SNAPC3: variants seen among roughly 807,000 people sequenced by gnomAD.
The protein encoded by SNAPC3 is small nuclear RNA activating complex polypeptide 3, also known as snRNA-activating protein complex subunit 3.
SNAPC3 carries 56 observed loss-of-function variants against 47.7 expected under a neutral mutation model. The ratio of observed to expected loss-of-function variants is 1.18; its 90% CI spans 0.95 to 1.47. The LOEUF (loss-of-function observed/expected upper bound fraction) is 1.47, where lower values mean the gene tolerates loss of function less well. SNAPC3 is among the 40% of genes most tolerant of loss of function. SNAPC3 has a pLI of 0.00. For synonymous variants in SNAPC3, 235 were observed against 189.9 expected (o/e 1.24, Z -1.95); for missense variants, 665 against 511.3 (o/e 1.30, Z -2.90).
chr9:15,433,719 G>A, intron 3 of SNAPC3, 83 bp downstream of exon 3: 2 of 849,880 alleles, frequency 2.4e-6, no homozygotes, highest in Non-Finnish European at 3.9e-6. Context: ...TGACAGTATG[G>A]TAGCTTTATA....
At chr9:15,466,160 C>T (rs2035610247), downstream of SNAPC3, among the ~76,000 whole-genome samples, 1 of 152,118 alleles carries the variant, frequency 6.6e-6, no homozygotes, top group Admixed American at 6.5e-5. Context: ...GGTGGATCAC[C>T]TGAGGTCAGG....
In SNAPC3 at chr9:15,458,082, ATTT is replaced by A. The variant is rs35960449; in HGVS notation, c.1088+24_1088+26del. On this transcript the variant is annotated intron_variant, in intron 8 of 8. Transcript: ENST00000380821. Reference sequence around the variant, plus strand: ...TATACAGCCAGGTGAGTGATAATGTATTTTTTTTTTTCTCTGAGAAATGGCAGT... The same window carrying A: ...TATACAGCCAGGTGAGTGATAATGTATTTTTTTTCTCTGAGAAATGGCAGT... 9 of 981,410 alleles carry A rather than the reference ATTT, an allele frequency of 9.2e-6. No homozygotes were observed. The highest frequency in any genetic ancestry group is 5.2e-5 in the South Asian group (3 of 57,884). The allele number at this position is 981,410 out of a possible 1,614,324, so 60.8% of individuals were successfully genotyped here.
At chr9:15,430,796 G>C (rs1037862034) in intron 2 of SNAPC3, among the ~76,000 whole-genome samples, 1 of 152,146 alleles carries the variant, frequency 6.6e-6, no homozygotes, top group Non-Finnish European at 1.5e-5. Flanking sequence ...CTAGAATAAA[G>C]GATGAGGAAG....
intron 2 of SNAPC3, among the ~76,000 whole-genome samples, chr9:15,430,118 A>G (rs537125109): frequency 3.3e-5 from 5 of 152,242 alleles, no homozygotes; most frequent in African/African-American, 7.2e-5. Context: ...GGAAACATCA[A>G]TGACATTCAT....
intron 7 of SNAPC3, among the ~76,000 whole-genome samples, chr9:15,456,664 C>T (rs1211289809): frequency 6.6e-6 from 1 of 152,052 alleles, no homozygotes; most frequent in East Asian, 1.9e-4. Context: ...GACAGGGTCT[C>T]ACTTTGTTTC....
chr9:15,444,943 A>C (rs1395401747), intron 4 of SNAPC3, among the ~76,000 whole-genome samples: 1 of 152,198 alleles, frequency 6.6e-6, no homozygotes, highest in African/African-American at 2.4e-5. Context: ...AATCAAAAAA[A>C]TTAGCTAGGC....
At chr9:15,443,988 G>A (rs2033726455) in intron 3 of SNAPC3, among the ~76,000 whole-genome samples, 1 of 152,090 alleles carries the variant, frequency 6.6e-6, no homozygotes, top group Admixed American at 6.5e-5. Flanking sequence ...CTGTTAGAGG[G>A]ACTAGGCCCT....
At chr9:15,424,040 A>C (rs1455845911) in intron 2 of SNAPC3, 54 bp downstream of exon 2, 1 of 1,080,866 alleles carries the variant, frequency 9.3e-7, no homozygotes, top group Admixed American at 2.5e-5. Context: ...TTTCAACATT[A>C]TGTTTTGAAA....
At chr9:15,425,475 C>G (rs371495954) in intron 2 of SNAPC3, among the ~76,000 whole-genome samples, 1 of 152,298 alleles carries the variant, frequency 6.6e-6, no homozygotes, top group South Asian at 2.1e-4. Context: ...AACTCGTTCT[C>G]CCAAAGTGCT....
At chr9:15,440,021 A>G (rs560324236) in intron 3 of SNAPC3, among the ~76,000 whole-genome samples, 17 of 152,280 alleles carry the variant, frequency 1.1e-4, no homozygotes, top group Non-Finnish European at 1.8e-4. Flanking sequence ...ATTGTTGAAC[A>G]TTTGTGTCAG....
chr9:15,452,723 T>A (rs1221613070), intron 6 of SNAPC3, among the ~76,000 whole-genome samples: 1 of 152,246 alleles, frequency 6.6e-6, no homozygotes, highest in African/African-American at 2.4e-5. Flanking sequence ...CTAAGAAGTA[T>A]TTGAAATATT....
intron 8 of SNAPC3, 96 bp from the exon 9 acceptor site, chr9:15,459,623 T>C (rs1255655399): frequency 1.4e-5 from 13 of 945,630 alleles, no homozygotes; most frequent in Admixed American, 1.3e-4. Context: ...GATAAGGAAA[T>C]AGAATGTTAT....
chr9:15,447,864 A>G (rs572479799), intron 5 of SNAPC3, among the ~76,000 whole-genome samples: 80 of 152,270 alleles, frequency 5.3e-4, no homozygotes, highest in African/African-American at 1.7e-3. Flanking sequence ...TGTTTCCCCA[A>G]TGTGTTGCTC....
At chr9:15,432,198 A>T (rs1423709422) in intron 2 of SNAPC3, among the ~76,000 whole-genome samples, 1 of 152,248 alleles carries the variant, frequency 6.6e-6, no homozygotes, top group African/African-American at 2.4e-5. Context: ...TTAAAGGCTA[A>T]AATGAATCCT....
At chr9:15,465,319 T>C (rs1443403332), downstream of SNAPC3, 4 of 482,588 alleles carry the variant, frequency 8.3e-6, no homozygotes, top group East Asian at 3.5e-5. Context: ...CCACATTTAC[T>C]GTATAATGTA....
intron 3 of SNAPC3, among the ~76,000 whole-genome samples, chr9:15,442,995 C>T (rs1354892212): frequency 6.6e-6 from 1 of 152,232 alleles, no homozygotes; most frequent in African/African-American, 2.4e-5. Context: ...ACAGCGAAAC[C>T]CCGTCTCCAC....
downstream of SNAPC3, chr9:15,465,446 A>G (rs2035552150): frequency 3.8e-6 from 5 of 1,313,874 alleles, no homozygotes; most frequent in Non-Finnish European, 5.3e-6. Context: ...AAAATTTAAA[A>G]CTTTCAGCAG....
At chr9:15,446,013 G>C (rs1179824830) in intron 4 of SNAPC3, among the ~76,000 whole-genome samples, 1 of 152,058 alleles carries the variant, frequency 6.6e-6, no homozygotes, top group Non-Finnish European at 1.5e-5. Context: ...TATGAATCTG[G>C]GTTTATAACC....
downstream of SNAPC3, chr9:15,465,574 G>C (rs552304363): frequency 1.1e-5 from 18 of 1,581,458 alleles, no homozygotes; most frequent in African/African-American, 2.3e-4. Context: ...TCTCTTCACT[G>C]GATGGCCTGA....
Sources: allele counts gnomAD v4.1 joint callset (sites outside exome capture counted in the v4.1 genomes callset), GRCh38; gene constraint gnomAD v4.1.1; transcripts MANE v1.5; gene names NCBI Gene and HGNC (gene_info 2026-07-23, HGNC 2026-07-21).